The following PBX1 variants were observed in gnomAD, a reference collection of about 807,000 sequenced individuals.
The protein encoded by PBX1 is pre-B-cell leukemia transcription factor 1.
PBX1 carries 6 observed loss-of-function variants against 53.4 expected under a neutral mutation model. That is an observed-to-expected ratio of 0.11 (90% confidence interval 0.06 to 0.22). PBX1 has a LOEUF of 0.22. Among genes scored for constraint, PBX1 ranks in the 10% least tolerant of loss-of-function variants. The probability of loss-of-function intolerance (pLI) is 1.00; values close to 1 mark genes in which losing one functional copy is unlikely to be tolerated. For synonymous variants in PBX1, 204 were observed against 212.3 expected, an observed-to-expected ratio of 0.96 and a Z score of 0.34; for missense variants, 251 against 551.4, an observed-to-expected ratio of 0.46 and a Z score of 5.46.
chr1:164,702,983 G>C (rs189605860), intron 2 of PBX1: 57 of 151,280 alleles, frequency 3.8e-4, no homozygotes, highest in African/African-American at 1.4e-3. Flanking sequence ...TTGGATTTTT[G>C]AAAACCTGAT....
intron 2 of PBX1, among the ~76,000 whole-genome samples, chr1:164,778,113 T>A (rs1268115108): frequency 6.6e-6 from 1 of 152,172 alleles, no homozygotes; most frequent in Non-Finnish European, 1.5e-5. Context: ...GAACAGAGCC[T>A]GGAACTGGAG....
rs762515842 is a variant in PBX1 at position 164,723,826 on chromosome 1, A to G, written c.266-68668A>G. Among the ~76,000 whole-genome samples the G allele has an allele frequency of 3.3e-5, 5 of 152,256 alleles. No homozygotes were observed. The South Asian group carries it at 1.0e-3, about 32-fold the overall frequency. ...GGATAATCATAAGCTGCCGAGTCAG[A>G]ATCAAATTAATAATTCATGAAATTA... On this transcript the variant is annotated intron_variant, in intron 2 of 8. Transcript: ENST00000420696.
At chr1:164,587,159 A>G (rs1655005887) in intron 2 of PBX1, among the ~76,000 whole-genome samples, 1 of 152,208 alleles carries the variant, frequency 6.6e-6, no homozygotes, top group Non-Finnish European at 1.5e-5. Flanking sequence ...CTACTGCTGT[A>G]TCTTCAGGTA....
At chr1:164,596,520 C>T (rs1655772839) in intron 2 of PBX1, among the ~76,000 whole-genome samples, 1 of 152,206 alleles carries the variant, frequency 6.6e-6, no homozygotes, top group Non-Finnish European at 1.5e-5. Flanking sequence ...TGTCATAATG[C>T]AAGTTCATTT....
intron 2 of PBX1, among the ~76,000 whole-genome samples, chr1:164,582,699 C>G (rs571240854): frequency 1.3e-5 from 2 of 152,116 alleles, no homozygotes; most frequent in Non-Finnish European, 2.9e-5. Context: ...CTGGGAATTA[C>G]AAGTGTGAGC....
chr1:164,748,950 A>G (rs924684061), intron 2 of PBX1, among the ~76,000 whole-genome samples: 14 of 152,180 alleles, frequency 9.2e-5, no homozygotes, highest in African/African-American at 3.1e-4. Flanking sequence ...GAGCAAGCTC[A>G]CCACTCTTGG....
chr1:164,664,726 C>A (rs956993468), intron 2 of PBX1, among the ~76,000 whole-genome samples: 2 of 152,196 alleles, frequency 1.3e-5, no homozygotes, highest in Admixed American at 1.3e-4. Flanking sequence ...GCCTCACAAT[C>A]ATGGCGGAAG....
chr1:164,825,682 T>C (rs1250003684), intron 8 of PBX1, among the ~76,000 whole-genome samples: 1 of 152,164 alleles, frequency 6.6e-6, no homozygotes, highest in Admixed American at 6.5e-5. Flanking sequence ...CAGCAGTAAG[T>C]GTGTGAATTT....
At chr1:164,569,564 A>ATT (rs71097535) in intron 2 of PBX1, among the ~76,000 whole-genome samples, 1,285 of 78,206 alleles carry the variant, frequency 0.016, 239 homozygotes, top group Non-Finnish European at 0.017. Flanking sequence ...TTTTCCTTGC[A>ATT]TTTTTTTTTT....
intron 2 of PBX1, among the ~76,000 whole-genome samples, chr1:164,627,024 T>C (rs1424147804): frequency 6.6e-6 from 1 of 152,238 alleles, no homozygotes; most frequent in African/African-American, 2.4e-5. Flanking sequence ...AATTAAACAC[T>C]TAGCTTTTAA....
chr1:164,729,817 AG>A (rs1160922282), intron 2 of PBX1, among the ~76,000 whole-genome samples: 1 of 151,624 alleles, frequency 6.6e-6, no homozygotes, highest in Non-Finnish European at 1.5e-5. Flanking sequence ...AGCAAAAGAC[AG>A]ATAATAAAAA....
intron 2 of PBX1, among the ~76,000 whole-genome samples, chr1:164,861,737 A>G (rs758936511): frequency 7.9e-5 from 12 of 152,190 alleles, no homozygotes; most frequent in Non-Finnish European, 1.3e-4. Context: ...AGGATTGACT[A>G]AAAAGGTGAT....
At chr1:164,700,825 T>A (rs1663076374) in intron 2 of PBX1, 1 of 686,072 alleles carries the variant, frequency 1.5e-6, no homozygotes, top group East Asian at 1.3e-4. Context: ...TGGCCAGCCC[T>A]GTATATTGCC....
rs547318705 is a variant in PBX1, at chr1:164,740,552, C to G, written c.266-51942C>G. On this transcript the variant is annotated intron_variant, in intron 2 of 8. Coordinates refer to ENST00000420696, the MANE Select transcript of PBX1 (RefSeq NM_002585.4). ...TGATGGTAGGCTGAACCCCTCAAAG[C>G]TCAGAACCCACTGATAAGGGTTTGT... 7.2e-5 allele frequency among the ~76,000 whole-genome samples: 11 copies of G among 152,168 alleles called. No homozygotes were observed. The South Asian group carries it at 2.3e-3, about 32-fold the overall frequency.
Position 164,870,353 on chromosome 1 carries a change from CT to C in PBX1, n.258-28832del, listed in dbSNP as rs746682094. Among the ~76,000 whole-genome samples, 3 of 90,832 alleles carry C rather than the reference CT, an allele frequency of 3.3e-5. 1 individual carries two copies. The East Asian group carries it at 1.0e-3, about 31-fold the overall frequency. The allele number at this position is 90,832 out of a possible 152,430, so 59.6% of individuals were successfully genotyped here. A position where few individuals can be genotyped will look rare whatever the true frequency, so the allele number is the denominator to read the frequency against. The stretch of plus-strand genomic sequence containing the variant: ...TCTTTCTTTCTTTCTTTCTTTCTTT[CT>C]TTCTTTCGAGATGAAGTCTTGCTCT... On this transcript the variant is annotated intron_variant and non_coding_transcript_variant, in intron 2 of 2. Coordinates refer to the PBX1 transcript ENST00000558796.
rs541057100 is a variant in PBX1, at chr1:164,779,089, G to T, written c.266-13405G>T. ...GACGGAGTCTCACTCTGTCCCCCAG[G>T]CTGGAGTGCAGTGGCGCTATCTCGG... On this transcript the variant is annotated intron_variant, in intron 2 of 8. Coordinates refer to ENST00000420696, the MANE Select transcript of PBX1 (RefSeq NM_002585.4). Among the ~76,000 whole-genome samples the T allele has an allele frequency of 6.7e-5, 10 of 150,290 alleles. No individual in the cohort carries two copies. The South Asian group carries it at 2.1e-3, about 32-fold the overall frequency.
chr1:164,639,992 C>A (rs1194751568), intron 2 of PBX1, among the ~76,000 whole-genome samples: 1 of 151,984 alleles, frequency 6.6e-6, no homozygotes, highest in African/African-American at 2.4e-5. Context: ...AAAAGAAATC[C>A]TATGGCCTGA....
At chr1:164,691,958 G>A (rs1662513844) in intron 2 of PBX1, among the ~76,000 whole-genome samples, 1 of 152,130 alleles carries the variant, frequency 6.6e-6, no homozygotes, top group South Asian at 2.1e-4. Flanking sequence ...ATTACCTTTA[G>A]GGTCTGTGTG....
At chr1:164,692,798 G>A (rs969034854) in intron 2 of PBX1, among the ~76,000 whole-genome samples, 1 of 152,148 alleles carries the variant, frequency 6.6e-6, no homozygotes, top group East Asian at 1.9e-4. Flanking sequence ...ATTTTCTGGA[G>A]CATTAGCTTA....
Sources: allele counts gnomAD v4.1 joint callset (sites outside exome capture counted in the v4.1 genomes callset), GRCh38; gene constraint gnomAD v4.1.1; transcripts MANE v1.5; gene names NCBI Gene and HGNC (gene_info 2026-07-23, HGNC 2026-07-21).